SEMA3D: variants seen among roughly 807,000 people sequenced by gnomAD.
SEMA3D encodes semaphorin-3D.
In SEMA3D, 84 loss-of-function variants were observed where a neutral mutation model predicts 100.1. The ratio of observed to expected loss-of-function variants is 0.84; its 90% CI spans 0.70 to 1.01. SEMA3D has a LOEUF of 1.01. Ranked by LOEUF, SEMA3D falls within the 50% of genes least tolerant of loss-of-function variation. The pLI, the probability that SEMA3D is intolerant of heterozygous loss-of-function variation, is 0.00. For missense variants in SEMA3D, 875 were observed against 934.1 expected, an observed-to-expected ratio of 0.94 and a Z score of 0.82; for synonymous variants, 312 against 320.7, an observed-to-expected ratio of 0.97 and a Z score of 0.29.
At chr7:85,090,814 G>A (rs1788365525) in intron 4 of SEMA3D, among the ~76,000 whole-genome samples, 1 of 151,960 alleles carries the variant, frequency 6.6e-6, no homozygotes, top group Non-Finnish European at 1.5e-5. Flanking sequence ...TAAAGAAAGG[G>A]AAATAACAAA....
chr7:85,143,176 A>G (rs1790105047), intron 2 of SEMA3D: 2 of 979,936 alleles, frequency 2.0e-6, no homozygotes, highest in African/African-American at 3.5e-5. Context: ...ACCTGCATAT[A>G]AAATCAGGTC....
chr7:85,166,666 T>C (rs1267021420), intron 1 of SEMA3D, among the ~76,000 whole-genome samples: 1 of 151,868 alleles, frequency 6.6e-6, no homozygotes, highest in Non-Finnish European at 1.5e-5. Context: ...AGTGACAGAA[T>C]TGGGATGGGA....
intron 9 of SEMA3D, among the ~76,000 whole-genome samples, chr7:85,055,402 T>A (rs1791279535): frequency 6.6e-6 from 1 of 151,842 alleles, no homozygotes; most frequent in African/African-American, 2.4e-5. Flanking sequence ...AGAAATAAGC[T>A]GCCAAAGATG....
At chr7:85,144,583 A>C in intron 2 of SEMA3D, 1 of 985,160 alleles carries the variant, frequency 1.0e-6, no homozygotes, top group South Asian at 4.7e-5. Flanking sequence ...TTCCGTGAGG[A>C]TCTTTATCAG....
At chr7:85,248,841 A>G in the SEMA3D span, among the ~76,000 whole-genome samples, 1 of 152,174 alleles carries the variant, frequency 6.6e-6, no homozygotes, top group African/African-American at 2.4e-5. Flanking sequence ...TTATAGATGA[A>G]TAGGCAGGGC....
chr7:85,090,899 A>T (rs996111332), intron 4 of SEMA3D, among the ~76,000 whole-genome samples: 23 of 152,112 alleles, frequency 1.5e-4, no homozygotes, highest in African/African-American at 5.5e-4. Flanking sequence ...TTATAAATTC[A>T]TTTAGGTTAG....
At chr7:85,056,400 C>T (rs1382617291) in intron 8 of SEMA3D, among the ~76,000 whole-genome samples, 6 of 151,764 alleles carry the variant, frequency 4.0e-5, no homozygotes, top group Non-Finnish European at 8.8e-5. Context: ...GGAATGGTGA[C>T]CTTTGACACA....
intron 9 of SEMA3D, 75 bp from the exon 10 acceptor site, chr7:85,042,360 C>G: frequency 1.0e-6 from 1 of 987,074 alleles, no homozygotes; most frequent in Non-Finnish European, 1.6e-6. Context: ...GTGGCTATTA[C>G]AGGTAGTGTC....
At chr7:85,028,456 G>A (rs903037838) in intron 12 of SEMA3D, 71 of 397,118 alleles carry the variant, frequency 1.8e-4, no homozygotes, top group Non-Finnish European at 2.8e-4. Context: ...TGGTGTTTTT[G>A]ATCCTCACTA....
At position 85,178,584 on chromosome 7, in the gene SEMA3D, G is replaced by GA. The variant is rs1791305307; in HGVS notation, c.-173+8093dup. 1.3e-5 allele frequency among the ~76,000 whole-genome samples: 2 copies of GA among 152,052 alleles called. 1 individual carries two copies. The highest frequency in any genetic ancestry group is 4.2e-4 in the South Asian group (2 of 4,816). ...GAGAGATGATTTAGGGTATCTGGCA[G>GA]AAAAAATTTCTAACTGGCAAAGGGC... On this transcript the variant is annotated intron_variant, in intron 1 of 18. Coordinates refer to ENST00000284136, the MANE Select transcript of SEMA3D (RefSeq NM_001384900.1).
chr7:85,074,406 G>GA (rs1414711378), intron 5 of SEMA3D, among the ~76,000 whole-genome samples: 1 of 152,108 alleles, frequency 6.6e-6, no homozygotes, highest in African/African-American at 2.4e-5. Context: ...TTCTTAGAAT[G>GA]AAATAAAATT....
the SEMA3D span, among the ~76,000 whole-genome samples, chr7:85,202,345 G>T: frequency 6.6e-6 from 1 of 151,598 alleles, no homozygotes; most frequent in African/African-American, 2.4e-5. Context: ...TACTGAGAAT[G>T]ATGATTTCCA....
chr7:85,112,818 T>C (rs1562822709), intron 3 of SEMA3D, among the ~76,000 whole-genome samples: 1 of 152,218 alleles, frequency 6.6e-6, no homozygotes, highest in African/African-American at 2.4e-5. Flanking sequence ...TTCACCTGTT[T>C]GTTTGCTTCT....
At chr7:85,138,441 A>AC (rs1463231857) in intron 2 of SEMA3D, among the ~76,000 whole-genome samples, 1 of 151,686 alleles carries the variant, frequency 6.6e-6, no homozygotes, top group Non-Finnish European at 1.5e-5. Context: ...GGTGTGCACC[A>AC]CCATGCCTGG....
intron 4 of SEMA3D, among the ~76,000 whole-genome samples, chr7:85,082,393 G>A (rs1788090889): frequency 6.6e-6 from 1 of 152,114 alleles, no homozygotes; most frequent in Non-Finnish European, 1.5e-5. Context: ...GTTTTTGTAG[G>A]AATTCTGTAA....
intron 2 of SEMA3D, among the ~76,000 whole-genome samples, chr7:85,127,432 G>A (rs1039344088): frequency 1.3e-5 from 2 of 152,100 alleles, no homozygotes; most frequent in African/African-American, 4.8e-5. Flanking sequence ...AATTCTGTAA[G>A]ATCTTACCTC....
chr7:85,154,978 T>C (rs1297638477), intron 1 of SEMA3D, among the ~76,000 whole-genome samples: 2 of 152,222 alleles, frequency 1.3e-5, no homozygotes, highest in Non-Finnish European at 2.9e-5. Flanking sequence ...GTCATGTTAT[T>C]ACTGTCATCT....
rs1310279617 is a variant in SEMA3D, at chr7:85,055,789, G to T, written c.789C>A (p.Phe263Leu). Residue 263 changes from phenylalanine (F) to leucine (L), a missense_variant, in exon 9 of 19, where the codon TTC becomes TTA. By Grantham distance (22) the Phe-to-Leu change is conservative. Coordinates refer to ENST00000284136, the MANE Select transcript of SEMA3D (RefSeq NM_001384900.1). Reference sequence around the variant, plus strand: ...TGCCTTCTTGAGATGATTCACGAAAGAAGAAATATATTTTATCATCATCTG... The same window carrying T: ...TGCCTTCTTGAGATGATTCACGAAATAAGAAATATATTTTATCATCATCTG... The part of the protein sequence containing the change: ...YNPDDDKIYF[F>L]FRESSQEGST... The T allele has an allele frequency of 6.3e-7, 1 of 1,575,238 alleles. No individual in the cohort carries two copies. The highest frequency in any genetic ancestry group is 1.7e-5 in the Admixed American group (1 of 59,192).
chr7:85,023,503 C>T (rs1281892361), intron 12 of SEMA3D, among the ~76,000 whole-genome samples: 1 of 151,732 alleles, frequency 6.6e-6, no homozygotes, highest in Non-Finnish European at 1.5e-5. Flanking sequence ...CTAATGCATT[C>T]TTTTGGAGAG....
Sources: allele counts gnomAD v4.1 joint callset (sites outside exome capture counted in the v4.1 genomes callset), GRCh38; gene constraint gnomAD v4.1.1; transcripts MANE v1.5; gene names NCBI Gene and HGNC (gene_info 2026-07-23, HGNC 2026-07-21).